UBE2QL1: variants seen among roughly 807,000 people sequenced by gnomAD.
UBE2QL1 encodes ubiquitin conjugating enzyme E2 QL1.
In UBE2QL1, 5 loss-of-function variants were observed where a neutral mutation model predicts 12.6. That is an observed-to-expected ratio of 0.40 (90% CI 0.21 to 0.83). UBE2QL1 has a LOEUF of 0.83. UBE2QL1 is among the 40% of genes least tolerant of loss of function. The pLI is 0.37. For synonymous variants in UBE2QL1, 96 were observed against 94.5 expected, an observed-to-expected ratio of 1.02 and a Z score of -0.10; for missense variants, 99 against 222.6, an observed-to-expected ratio of 0.44 and a Z score of 3.53.
intron 1 of UBE2QL1, among the ~76,000 whole-genome samples, chr5:6,474,929 C>T (rs758949826): frequency 9.9e-5 from 15 of 152,174 alleles, no homozygotes; most frequent in Non-Finnish European, 1.9e-4. Context: ...TCTGTGCTTC[C>T]GTTTCTCCGT....
Position 6,478,089 on chromosome 5 carries a change from T to A in UBE2QL1, c.355-13129T>A, listed in dbSNP as rs549642570. On this transcript the variant is annotated intron_variant, in intron 1 of 1. Transcript: ENST00000399816. This position sits in a 1 kb window ranked among gnomAD's most constrained non-coding sequence, Gnocchi z 4.5. ...GTAAATAATCCATGTAGAGTCTTAT[T>A]ATTGCTGTGCTTTATTGCAAAAACA... 6.6e-6 allele frequency among the ~76,000 whole-genome samples: 1 copy of A among 152,206 alleles called. No individual in the cohort carries two copies. The highest frequency in any genetic ancestry group is 2.1e-4 in the South Asian group (1 of 4,820).
At chr5:6,464,870 G>C (rs1292042121) in intron 1 of UBE2QL1, among the ~76,000 whole-genome samples, 1 of 152,194 alleles carries the variant, frequency 6.6e-6, no homozygotes, top group African/African-American at 2.4e-5. Flanking sequence ...ATCTGTGCTG[G>C]TCCCTTGATA....
chr5:6,482,773 C>T (rs1041104035), intron 1 of UBE2QL1, among the ~76,000 whole-genome samples: 1 of 152,198 alleles, frequency 6.6e-6, no homozygotes, highest in African/African-American at 2.4e-5. Flanking sequence ...GGCTGCTCAA[C>T]ACTCTGCGGT....
At chr5:6,459,657 A>T (rs1210198094) in intron 1 of UBE2QL1, among the ~76,000 whole-genome samples, 3 of 152,404 alleles carry the variant, frequency 2.0e-5, no homozygotes, top group Admixed American at 1.3e-4. Context: ...AAAATAAATT[A>T]AAAAGCACTT....
intron 1 of UBE2QL1, among the ~76,000 whole-genome samples, chr5:6,461,700 T>A (rs1739669933): frequency 1.3e-5 from 2 of 152,154 alleles, no homozygotes; most frequent in Admixed American, 1.3e-4. Context: ...AGACCTGCCC[T>A]ACAGTGCTCA....
At chr5:6,457,860 A>G (rs74902144) in intron 1 of UBE2QL1, among the ~76,000 whole-genome samples, 107 of 152,336 alleles carry the variant, frequency 7.0e-4, no homozygotes, top group African/African-American at 2.5e-3. Flanking sequence ...TCCATGGTGC[A>G]TGGTTTTCCT....
In UBE2QL1 at chr5:6,488,721, G is replaced by C. The variant is rs190663194; in HGVS notation, c.355-2497G>C. ...AGGCTGAGGCAGGAGGATCTCTTGAGCCCAGGAGATCAAGGTTGCACTGAG... is the reference window on the plus strand; with the variant it reads ...AGGCTGAGGCAGGAGGATCTCTTGACCCCAGGAGATCAAGGTTGCACTGAG... On this transcript the variant is annotated intron_variant, in intron 1 of 1. Transcript: ENST00000399816. 2.9e-4 allele frequency among the ~76,000 whole-genome samples: 44 copies of C among 151,962 alleles called. 1 individual carries two copies. In the East Asian group the frequency reaches 5.8e-3, roughly 20 times the overall value.
chr5:6,495,623 A>T lies in UBE2QL1; in HGVS notation c.*4274A>T, dbSNP rs1734653373. On this transcript the variant is annotated 3_prime_UTR_variant, in exon 2 of 2. Coordinates refer to ENST00000399816, the MANE Select transcript of UBE2QL1 (RefSeq NM_001145161.3). ...AATCAGTACAGTTGCAAGTCTTCCA[A>T]GCCAGCTGAGAAACACCCACAGGAT... 6.6e-6 allele frequency among the ~76,000 whole-genome samples: 1 copy of T among 152,226 alleles called. No homozygotes were observed. The highest frequency in any genetic ancestry group is 2.1e-4 in the South Asian group (1 of 4,836).
At chr5:6,461,254 G>T (rs1739651474) in intron 1 of UBE2QL1, among the ~76,000 whole-genome samples, 1 of 152,134 alleles carries the variant, frequency 6.6e-6, no homozygotes, top group South Asian at 2.1e-4. Flanking sequence ...TCAGTCAACT[G>T]AGGCCTTGAG....
At chr5:6,488,188 G>A (rs928507997) in intron 1 of UBE2QL1, among the ~76,000 whole-genome samples, 3 of 152,186 alleles carry the variant, frequency 2.0e-5, no homozygotes, top group African/African-American at 7.2e-5. Flanking sequence ...TAAGCACTAG[G>A]GCTTTCTGTT....
intron 1 of UBE2QL1, among the ~76,000 whole-genome samples, chr5:6,474,956 A>G (rs1233081015): frequency 1.3e-5 from 2 of 152,180 alleles, no homozygotes; most frequent in Non-Finnish European, 2.9e-5. Context: ...GAGAGGCTGG[A>G]GCAGTCTTTC....
intron 1 of UBE2QL1, among the ~76,000 whole-genome samples, chr5:6,483,132 C>T (rs911063557): frequency 4.6e-5 from 7 of 152,194 alleles, no homozygotes; most frequent in African/African-American, 1.7e-4. Flanking sequence ...GGCTCAAACA[C>T]GCCTTTAAAA....
At chr5:6,487,640 G>A (rs189144744) in intron 1 of UBE2QL1, among the ~76,000 whole-genome samples, 2 of 152,330 alleles carry the variant, frequency 1.3e-5, no homozygotes, top group East Asian at 3.8e-4. Context: ...AATAGAAACA[G>A]ACAAGGGAGA....
At chr5:6,456,102 T>C (rs1474043745) in intron 1 of UBE2QL1, among the ~76,000 whole-genome samples, 2 of 152,124 alleles carry the variant, frequency 1.3e-5, no homozygotes, top group Non-Finnish European at 2.9e-5. Flanking sequence ...TGCAGGAACT[T>C]CCTAGGCATC....
chr5:6,466,003 A>T (rs994258137), intron 1 of UBE2QL1, among the ~76,000 whole-genome samples: 7 of 150,324 alleles, frequency 4.7e-5, no homozygotes, highest in African/African-American at 1.7e-4. Context: ...CCCTCCCCTC[A>T]CACTCCCCTT....
At chr5:6,463,279 C>G (rs1739712357) in intron 1 of UBE2QL1, among the ~76,000 whole-genome samples, 1 of 152,120 alleles carries the variant, frequency 6.6e-6, no homozygotes, top group Non-Finnish European at 1.5e-5. Flanking sequence ...CTAGAGCTTG[C>G]AAACATATTT....
Position 6,476,356 on chromosome 5 carries a change from TAA to T in UBE2QL1, c.355-14859_355-14858del. On this transcript the variant is annotated intron_variant, in intron 1 of 1. Transcript: ENST00000399816. The surrounding 1 kb of genome is among the most constrained non-coding windows in gnomAD (Gnocchi z 4.9). ...AGCTTATTTTGAGGTGTTTGGTTGT[TAA>T]AAGTTTTTCAGCACTTAAAGGTCTA... Among the ~76,000 whole-genome samples, 1 of 152,326 alleles carries T rather than the reference TAA, an allele frequency of 6.6e-6. No homozygotes were observed. The highest frequency in any genetic ancestry group is 1.9e-4 in the East Asian group (1 of 5,176).
chr5:6,478,382 CCCTGAAGCCA>C lies in UBE2QL1; in HGVS notation c.355-12832_355-12823del, dbSNP rs1734283358. Among the ~76,000 whole-genome samples, 1 of 152,254 alleles carries C rather than the reference CCCTGAAGCCA, an allele frequency of 6.6e-6. No individual in the cohort carries two copies. Among genetic ancestry groups the C allele is most frequent in the African/African-American group, 2.4e-5 (1 of 41,470 alleles). On this transcript the variant is annotated intron_variant, in intron 1 of 1. Transcript: ENST00000399816. The surrounding 1 kb of genome is among the most constrained non-coding windows in gnomAD (Gnocchi z 4.5). The stretch of plus-strand genomic sequence containing the variant: ...ACTGCCACCATCAAGCGCAAAGCCT[CCCTGAAGCCA>C]CCTCAGCAGTGAAAGCACCAGGCGC...
intron 1 of UBE2QL1, among the ~76,000 whole-genome samples, chr5:6,465,902 G>A (rs538283721): frequency 2.0e-5 from 3 of 152,246 alleles, no homozygotes; most frequent in African/African-American, 7.2e-5. Context: ...CGCGCAAAGC[G>A]TTTCCACTTT....
Sources: gnomAD v4.1 joint callset for allele counts (sites outside exome capture counted in the v4.1 genomes callset) on GRCh38, gnomAD v4.1.1 for gene constraint, Gnocchi (gnomAD v3.1) non-coding constraint, MANE v1.5 for transcripts, NCBI Gene and HGNC (gene_info 2026-07-23, HGNC 2026-07-21) for gene names.